ERC1: variants seen among roughly 807,000 people sequenced by gnomAD.
ERC1 encodes ELKS/RAB6-interacting/CAST family member 1, also known as RAB6 interacting protein 2.
ERC1 carries 56 observed loss-of-function variants against 132.0 expected under a neutral mutation model. That is an observed-to-expected ratio of 0.42 (90% CI 0.34 to 0.53). The LOEUF is 0.53. Ranked by LOEUF, ERC1 falls within the 20% of genes least tolerant of loss-of-function variation. The pLI is 0.03. For missense variants in ERC1, 1,202 were observed against 1,349.9 expected (o/e 0.89, Z 1.72); for synonymous variants, 478 against 476.1 (o/e 1.00, Z -0.05).
intron 2 of ERC1, among the ~76,000 whole-genome samples, chr12:1,062,750 C>T (rs572035180): frequency 6.6e-6 from 1 of 152,086 alleles, no homozygotes; most frequent in African/African-American, 2.4e-5. Flanking sequence ...CACTGAAGAC[C>T]AGTGTTTCTT....
At chr12:1,355,084 T>C (rs1320767268) in intron 15 of ERC1, among the ~76,000 whole-genome samples, 1 of 152,180 alleles carries the variant, frequency 6.6e-6, no homozygotes, top group Non-Finnish European at 1.5e-5. Flanking sequence ...GTTGGAACTT[T>C]TTCAGGGGCC....
rs565753572 is a variant in ERC1, at chr12:1,187,905, A to G, written c.2158-1954A>G. 4.7e-4 allele frequency among the ~76,000 whole-genome samples: 71 copies of G among 152,310 alleles called. 2 individuals carry two copies. In the South Asian group the frequency reaches 0.015, roughly 32 times the overall value. On this transcript the variant is annotated intron_variant, in intron 11 of 18. Transcript: ENST00000360905. ...AAATCACATGGTGTGAGGGAAGCTTATATCAAGGAGAACTAACTTAGGTCA... is the reference window on the plus strand; with the variant it reads ...AAATCACATGGTGTGAGGGAAGCTTGTATCAAGGAGAACTAACTTAGGTCA...
intron 15 of ERC1, among the ~76,000 whole-genome samples, chr12:1,356,782 G>C (rs2085582132): frequency 6.6e-6 from 1 of 152,186 alleles, no homozygotes; most frequent in Non-Finnish European, 1.5e-5. Context: ...TTATCTACCT[G>C]ATGCAGGCAT....
At chr12:1,284,004 T>A (rs1275930798) in intron 14 of ERC1, among the ~76,000 whole-genome samples, 1 of 152,156 alleles carries the variant, frequency 6.6e-6, no homozygotes, top group Non-Finnish European at 1.5e-5. Flanking sequence ...AACTTACTCC[T>A]TCTATCTAAC....
intron 12 of ERC1, among the ~76,000 whole-genome samples, chr12:1,202,548 T>G (rs971339724): frequency 2.6e-5 from 4 of 152,012 alleles, no homozygotes; most frequent in African/African-American, 9.7e-5. Flanking sequence ...TCCCAGCTAT[T>G]TGGGAGGCTG....
At chr12:1,349,167 G>A (rs774012397) in intron 15 of ERC1, among the ~76,000 whole-genome samples, 4 of 152,142 alleles carry the variant, frequency 2.6e-5, no homozygotes, top group Non-Finnish European at 5.9e-5. Flanking sequence ...CCAAGAAAAC[G>A]ACGACACTGG....
chr12:1,305,346 G>A (rs1208045648), intron 15 of ERC1, among the ~76,000 whole-genome samples: 1 of 152,150 alleles, frequency 6.6e-6, no homozygotes, highest in East Asian at 1.9e-4. Flanking sequence ...CATTGGGCTA[G>A]TAAGTAAAGT....
At chr12:1,410,927 C>T (rs1248157476) in intron 17 of ERC1, among the ~76,000 whole-genome samples, 1 of 151,904 alleles carries the variant, frequency 6.6e-6, no homozygotes, top group Admixed American at 6.6e-5. Flanking sequence ...AAAAACTGTA[C>T]TGTGAACTAA....
intron 13 of ERC1, among the ~76,000 whole-genome samples, chr12:1,245,920 T>G (rs896433892): frequency 6.6e-6 from 1 of 152,146 alleles, no homozygotes; most frequent in Admixed American, 6.6e-5. Context: ...ATTATTAAAG[T>G]TCCCAAAGTG....
intron 15 of ERC1, among the ~76,000 whole-genome samples, chr12:1,295,673 A>G (rs1402960690): frequency 6.6e-6 from 1 of 152,176 alleles, no homozygotes; most frequent in Non-Finnish European, 1.5e-5. Context: ...CTAGTAAAAG[A>G]AGGCCCCAAT....
At chr12:1,154,288 TAC>T (rs140742527) in intron 8 of ERC1, among the ~76,000 whole-genome samples, 5,698 of 148,494 alleles carry the variant, frequency 0.038, 388 homozygotes, top group African/African-American at 0.13. Flanking sequence ...CATGTATATA[TAC>T]ACACACACGT....
At chr12:1,418,587 TTC>T (rs879400720) in intron 17 of ERC1, among the ~76,000 whole-genome samples, 16,427 of 112,144 alleles carry the variant, frequency 0.15, 1,313 homozygotes, top group Middle Eastern at 0.2. Context: ...CTTTCTTTCT[TTC>T]TCTTTCTTTC....
Position 1,408,267 on chromosome 12 carries a change from T to C in ERC1, c.3024+20T>C. 6.3e-7 allele frequency: 1 copy of C among 1,575,942 alleles called. No individual in the cohort carries two copies. Among genetic ancestry groups the C allele is most frequent in the East Asian group, 2.2e-5 (1 of 44,652 alleles). ...GACCAGGTAAGATGGCTCTGGAATGTTTTATTAAAAAACCCACACACTTAA... is the reference window on the plus strand; with the variant it reads ...GACCAGGTAAGATGGCTCTGGAATGCTTTATTAAAAAACCCACACACTTAA... On this transcript the variant is annotated intron_variant, in intron 17 of 18. Coordinates refer to ENST00000360905, the MANE Select transcript of ERC1 (RefSeq NM_178040.4).
chr12:1,073,130 T>G (rs1940709514), intron 2 of ERC1, among the ~76,000 whole-genome samples: 1 of 152,032 alleles, frequency 6.6e-6, no homozygotes, highest in African/African-American at 2.4e-5. Flanking sequence ...TGAAACCTCG[T>G]CTCTACTAAA....
At chr12:1,280,469 C>T (rs950206962) in intron 14 of ERC1, among the ~76,000 whole-genome samples, 7 of 152,154 alleles carry the variant, frequency 4.6e-5, no homozygotes, top group Non-Finnish European at 1.0e-4. Flanking sequence ...ATGTAAAGTG[C>T]TTCGGATTAG....
At chr12:1,303,760 G>T (rs890948040) in intron 15 of ERC1, among the ~76,000 whole-genome samples, 10 of 152,082 alleles carry the variant, frequency 6.6e-5, no homozygotes, top group South Asian at 6.2e-4. Flanking sequence ...TTTGAGACCA[G>T]CCTGACCAAC....
chr12:1,430,814 A>G (rs2092774445), intron 17 of ERC1: 2 of 152,330 alleles, frequency 1.3e-5, no homozygotes, highest in Non-Finnish European at 2.9e-5. Context: ...ACAGGTGGAG[A>G]GGGAGGTATA....
intron 1 of ERC1, among the ~76,000 whole-genome samples, chr12:1,001,853 CTTTTTTTT>C: frequency 9.2e-6 from 1 of 109,134 alleles, no homozygotes; most frequent in African/African-American, 3.9e-5. Context: ...CTTGTAAAGT[CTTTTTTTT>C]TTTTTTTTTT....
rs1001464312 is a variant in ERC1, at chr12:1,040,814, A to C, written c.669+12242A>C. Among the ~76,000 whole-genome samples the C allele has an allele frequency of 1.1e-4, 17 of 152,268 alleles. 1 individual carries two copies. Among genetic ancestry groups the C allele is most frequent in the Admixed American group, 8.5e-4 (13 of 15,294 alleles). ...ATGTGGTGACTGTATAGGCCGAGAA[A>C]GTGAGATAGTTCAGCCTTAATGTAC... On this transcript the variant is annotated intron_variant, in intron 2 of 18. Coordinates refer to ENST00000360905, the MANE Select transcript of ERC1 (RefSeq NM_178040.4).
Sources: gnomAD v4.1 joint callset for allele counts (sites outside exome capture counted in the v4.1 genomes callset) on GRCh38, gnomAD v4.1.1 for gene constraint, MANE v1.5 for transcripts, NCBI Gene and HGNC (gene_info 2026-07-23, HGNC 2026-07-21) for gene names.